Variants in SLC35F4 observed in about 807,000 individuals in gnomAD.
The protein encoded by SLC35F4 is chromosome 14 open reading frame 36.
SLC35F4 carries 24 observed loss-of-function variants against 44.2 expected under a neutral mutation model. The observed-to-expected ratio is 0.54, with a 90% CI of 0.39 to 0.76. The LOEUF is 0.76. Among genes scored for constraint, SLC35F4 ranks in the 30% least tolerant of loss-of-function variants. SLC35F4 has a pLI of 0.00. For synonymous variants in SLC35F4, 238 were observed against 223.6 expected, an observed-to-expected ratio of 1.06 and a Z score of -0.57; for missense variants, 562 against 586.1, an observed-to-expected ratio of 0.96 and a Z score of 0.42.
chr14:57,860,989 T>A (rs1170064232), intron 1 of SLC35F4, among the ~76,000 whole-genome samples: 1 of 152,224 alleles, frequency 6.6e-6, no homozygotes, highest in Non-Finnish European at 1.5e-5. Flanking sequence ...TATATCCTTA[T>A]CTCTACTTGT....
intron 1 of SLC35F4, among the ~76,000 whole-genome samples, chr14:57,683,824 G>A (rs957139266): frequency 1.3e-5 from 2 of 152,148 alleles, no homozygotes; most frequent in Admixed American, 6.5e-5. Context: ...GCTATGGGCT[G>A]CCTCTGATCT....
intron 1 of SLC35F4, among the ~76,000 whole-genome samples, chr14:57,749,740 G>A (rs1488226841): frequency 3.3e-5 from 5 of 152,122 alleles, no homozygotes; most frequent in African/African-American, 1.2e-4. Context: ...CACCAACTAT[G>A]CTGTTCTTTC....
chr14:57,583,968 A>G (rs1271111536), intron 3 of SLC35F4, among the ~76,000 whole-genome samples: 1 of 152,124 alleles, frequency 6.6e-6, no homozygotes, highest in East Asian at 1.9e-4. Flanking sequence ...GACACTAATA[A>G]TTTAGTTATG....
chr14:57,948,692 G>A lies in SLC35F4; in HGVS notation n.282+33221C>T, dbSNP rs369415447. On this transcript the variant is annotated intron_variant and non_coding_transcript_variant, in intron 1 of 1. Transcript: ENST00000556568. ...TTTAATGCTATAAACTTTCCTCTTAGAACCACTTTTGCTGTATCCGAGAGG... is the reference window on the plus strand; with the variant it reads ...TTTAATGCTATAAACTTTCCTCTTAAAACCACTTTTGCTGTATCCGAGAGG... Among the ~76,000 whole-genome samples, 257 of 152,028 alleles carry A rather than the reference G, an allele frequency of 1.7e-3. 2 individuals carry two copies. The highest frequency in any genetic ancestry group is 5.7e-3 in the African/African-American group (236 of 41,496).
intron 1 of SLC35F4, among the ~76,000 whole-genome samples, chr14:57,595,169 A>C (rs2070418515): frequency 6.6e-6 from 1 of 152,210 alleles, no homozygotes; most frequent in African/African-American, 2.4e-5. Context: ...ATAGTTGTTC[A>C]GTCTTGTTTA....
chr14:57,750,842 T>C (rs1470197335), intron 1 of SLC35F4, among the ~76,000 whole-genome samples: 1 of 152,192 alleles, frequency 6.6e-6, no homozygotes, highest in Non-Finnish European at 1.5e-5. Flanking sequence ...CTGTGGTTAA[T>C]TTGTAGGCAG....
At chr14:57,933,806 C>T (rs1160040976) in intron 1 of SLC35F4, among the ~76,000 whole-genome samples, 4 of 151,938 alleles carry the variant, frequency 2.6e-5, no homozygotes, top group Non-Finnish European at 5.9e-5. Context: ...GCATTAAGTG[C>T]AAAGAATAAA....
chr14:57,686,391 G>C (rs1404719487), intron 1 of SLC35F4, among the ~76,000 whole-genome samples: 1 of 152,152 alleles, frequency 6.6e-6, no homozygotes, highest in East Asian at 1.9e-4. Flanking sequence ...CAGTCGTTCA[G>C]GGCAGTATCC....
At chr14:57,565,748 C>T (rs79390284) in intron 7 of SLC35F4, among the ~76,000 whole-genome samples, 18,960 of 152,180 alleles carry the variant, frequency 0.12, 1,328 homozygotes, top group Non-Finnish European at 0.15. Flanking sequence ...ACAAATTCAG[C>T]CATAAGCATT....
intron 1 of SLC35F4, among the ~76,000 whole-genome samples, chr14:57,661,448 C>A (rs1447656724): frequency 6.6e-6 from 1 of 152,160 alleles, no homozygotes; most frequent in Admixed American, 6.6e-5. Context: ...CTAGAGAAGT[C>A]AACATTATTG....
downstream of SLC35F4, among the ~76,000 whole-genome samples, chr14:57,975,416 C>A (rs1422066405): frequency 6.6e-6 from 1 of 152,218 alleles, no homozygotes. Flanking sequence ...TTCTTCACTT[C>A]TACAAAGAAA....
rs201270997 is a variant in SLC35F4 at position 57,571,996 on chromosome 14, A to G, written c.831T>C (p.Ile277=). ...GVRIVAAIMA[I]TGIVMMAYAD... is the part of the protein sequence containing the mutation. Reference sequence around the variant, plus strand: ...CATATGCCATCATGACAATGCCGGTAATTGCCATTATTGCAGCAACTATCT... The same window carrying G: ...CATATGCCATCATGACAATGCCGGTGATTGCCATTATTGCAGCAACTATCT... Residue 277 remains isoleucine (I), a synonymous_variant, in exon 5 of 8, where the codon ATT becomes ATC. Transcript: ENST00000556826. 9 of 1,611,118 alleles carry G rather than the reference A, an allele frequency of 5.6e-6. No individual in the cohort carries two copies. In the East Asian group the frequency reaches 1.8e-4, roughly 32 times the overall value.
intron 1 of SLC35F4, among the ~76,000 whole-genome samples, chr14:57,613,085 C>T (rs238400): frequency 0.68 from 102,764 of 151,926 alleles, 35,537 homozygotes; most frequent in Non-Finnish European, 0.75. Context: ...GCAGCAGGAG[C>T]TGGGTTGTTT....
At chr14:57,808,896 G>A (rs1276938402) in intron 1 of SLC35F4, among the ~76,000 whole-genome samples, 1 of 151,564 alleles carries the variant, frequency 6.6e-6, no homozygotes, top group Non-Finnish European at 1.5e-5. Context: ...CTAATTAGAG[G>A]GAAGTGCCCT....
intron 1 of SLC35F4, among the ~76,000 whole-genome samples, chr14:57,680,514 T>G (rs1163985870): frequency 6.6e-6 from 1 of 152,096 alleles, no homozygotes; most frequent in Non-Finnish European, 1.5e-5. Context: ...TTGGAAGTTC[T>G]GGCCACAGCA....
intron 1 of SLC35F4, among the ~76,000 whole-genome samples, chr14:57,959,331 C>A (rs527407019): frequency 5.9e-5 from 9 of 152,084 alleles, no homozygotes; most frequent in Admixed American, 6.5e-5. Context: ...AACTTTAAGT[C>A]ACCTTGAGGA....
chr14:57,668,788 G>C (rs2074407822), intron 1 of SLC35F4, among the ~76,000 whole-genome samples: 1 of 152,010 alleles, frequency 6.6e-6, no homozygotes, highest in Non-Finnish European at 1.5e-5. Context: ...TGTTCTTTTG[G>C]CTTAGGATTG....
At chr14:57,929,988 G>T (rs902041477) in intron 1 of SLC35F4, among the ~76,000 whole-genome samples, 27 of 152,218 alleles carry the variant, frequency 1.8e-4, no homozygotes, top group Admixed American at 1.5e-3. Flanking sequence ...ACTTTTCAGA[G>T]AGAGCATGTT....
intron 1 of SLC35F4, among the ~76,000 whole-genome samples, chr14:57,640,379 A>C (rs981768171): frequency 1.6e-4 from 25 of 152,096 alleles, no homozygotes. Context: ...GAAAGGAAAA[A>C]GAAAATGTAT....
Sources: allele counts gnomAD v4.1 joint callset (sites outside exome capture counted in the v4.1 genomes callset), GRCh38; gene constraint gnomAD v4.1.1; transcripts MANE v1.5; gene names NCBI Gene and HGNC (gene_info 2026-07-23, HGNC 2026-07-21).